Variants in SORBS2 observed in about 807,000 individuals in gnomAD.
SORBS2 encodes the protein sorbin and SH3 domain containing 2, also known as sorbin and SH3 domain-containing protein 2.
In SORBS2, 46 loss-of-function variants were observed where a neutral mutation model predicts 97.7. The observed-to-expected ratio is 0.47, with a 90% confidence interval of 0.37 to 0.60. SORBS2 has a LOEUF of 0.60. Ranked by LOEUF, SORBS2 falls within the 20% of genes least tolerant of loss-of-function variation. The pLI, the probability that SORBS2 is intolerant of heterozygous loss-of-function variation, is 0.00. For missense variants in SORBS2, 1,316 were observed against 1,282.3 expected, an observed-to-expected ratio of 1.03 and a Z score of -0.40; for synonymous variants, 476 against 473.4, an observed-to-expected ratio of 1.01 and a Z score of -0.07.
At chr4:185,651,804 G>T in intron 2 of SORBS2, 1 of 1,503,114 alleles carries the variant, frequency 6.7e-7, no homozygotes, top group Non-Finnish European at 9.2e-7. Flanking sequence ...TGTATAAGGA[G>T]TATTATACAT....
At chr4:185,788,589 C>A (rs77403198) in intron 1 of SORBS2, among the ~76,000 whole-genome samples, 138 of 152,286 alleles carry the variant, frequency 9.1e-4, no homozygotes, top group Middle Eastern at 3.4e-3. Flanking sequence ...AAAAAGAGAA[C>A]CTTGCAGCTG....
chr4:185,618,599 C>A, exon 9 of SORBS2: 1 of 1,535,790 alleles, frequency 6.5e-7, no homozygotes, highest in Non-Finnish European at 8.9e-7. Flanking sequence ...ATGTCTGAGC[C>A]TTAAAATCAT....
intron 1 of SORBS2, among the ~76,000 whole-genome samples, chr4:185,893,097 G>A (rs1462929380): frequency 6.6e-6 from 1 of 152,212 alleles, no homozygotes; most frequent in Non-Finnish European, 1.5e-5. Flanking sequence ...AAGGATGCTA[G>A]CTGTGGAGGA....
intron 1 of SORBS2, among the ~76,000 whole-genome samples, chr4:185,943,997 AGGTAAAAATGT>A (rs2099273358): frequency 6.6e-6 from 1 of 152,236 alleles, no homozygotes; most frequent in African/African-American, 2.4e-5. Flanking sequence ...TAAATGTTGA[AGGTAAAAATGT>A]TGAAACGAAG....
chr4:185,837,693 G>A (rs1229767050), intron 1 of SORBS2, among the ~76,000 whole-genome samples: 1 of 152,138 alleles, frequency 6.6e-6, no homozygotes, highest in Admixed American at 6.5e-5. Flanking sequence ...GTGACAGGCT[G>A]AGATATTCCT....
intron 12 of SORBS2, among the ~76,000 whole-genome samples, chr4:185,595,001 G>C (rs2096052360): frequency 6.6e-6 from 1 of 152,092 alleles, no homozygotes; most frequent in Admixed American, 6.6e-5. Context: ...TTACTGATAG[G>C]CTGAAATCTC....
chr4:185,718,928 C>A (rs2098487910), intron 2 of SORBS2, among the ~76,000 whole-genome samples: 1 of 152,176 alleles, frequency 6.6e-6, no homozygotes, highest in African/African-American at 2.4e-5. Flanking sequence ...TCTATGCAGA[C>A]CTGTCATGTG....
rs937180555 is a variant in SORBS2 at position 185,607,725 on chromosome 4, C to T, written c.2796+4055G>A. Reference sequence around the variant, plus strand: ...AAAAAATTTTTTAGAGATGGAGTCTCGCTGTGGCACCCAGGCTGGAGTGCA... The same window carrying T: ...AAAAAATTTTTTAGAGATGGAGTCTTGCTGTGGCACCCAGGCTGGAGTGCA... On this transcript the variant is annotated intron_variant, in intron 12 of 14. Coordinates refer to ENST00000418609, the Ensembl canonical transcript of SORBS2. The surrounding 1 kb of genome is among the most constrained non-coding windows in gnomAD (Gnocchi z 5.2). Among the ~76,000 whole-genome samples, 4 of 151,990 alleles carry T rather than the reference C, an allele frequency of 2.6e-5. No homozygotes were observed. Among genetic ancestry groups the T allele is most frequent in the African/African-American group, 7.3e-5 (3 of 41,356 alleles).
intron 1 of SORBS2, among the ~76,000 whole-genome samples, chr4:185,842,047 C>T (rs1375323045): frequency 6.6e-6 from 1 of 152,194 alleles, no homozygotes; most frequent in Admixed American, 6.5e-5. Context: ...GACCAATGCT[C>T]CTGCCCTCAA....
rs2153501085 is a variant in SORBS2, at chr4:185,678,783, A to G, written c.-171+13T>C. ...AAATAATATAATAATTATTCAGAAT[A>G]TTTTTTCTGTACCTGAGTCTGGTGA... On this transcript the variant is annotated intron_variant, in intron 3 of 20. Coordinates refer to the SORBS2 transcript ENST00000284776. 1 of 1,451,512 alleles carries G rather than the reference A, an allele frequency of 6.9e-7. No individual in the cohort carries two copies. The highest frequency in any genetic ancestry group is 9.2e-7 in the Non-Finnish European group (1 of 1,091,238). 89.9% of individuals were successfully genotyped at this position (1,451,512 alleles called of 1,614,324 possible). A position where few individuals can be genotyped will look rare whatever the true frequency, so the allele number is the denominator to read the frequency against.
At chr4:185,594,073 T>C (rs964187006) in intron 12 of SORBS2, 138 bp from the exon 25 acceptor site, 2 of 631,726 alleles carry the variant, frequency 3.2e-6, no homozygotes, top group African/African-American at 1.9e-5. Context: ...AAAAACCAAA[T>C]AAAAGCTTTC....
At chr4:185,765,869 T>C (rs1359014922) in intron 2 of SORBS2, among the ~76,000 whole-genome samples, 2 of 152,248 alleles carry the variant, frequency 1.3e-5, no homozygotes, top group African/African-American at 4.8e-5. Flanking sequence ...TTTTCCATCA[T>C]AAGCCAGTCT....
intron 1 of SORBS2, among the ~76,000 whole-genome samples, chr4:185,954,468 T>A (rs2099278668): frequency 6.6e-6 from 1 of 152,220 alleles, no homozygotes; most frequent in Non-Finnish European, 1.5e-5. Flanking sequence ...ATTTTATAAA[T>A]AAAATTATGT....
intron 2 of SORBS2, among the ~76,000 whole-genome samples, chr4:185,749,534 T>C (rs1429536242): frequency 2.6e-5 from 4 of 152,224 alleles, no homozygotes; most frequent in Non-Finnish European, 5.9e-5. Flanking sequence ...CTCTGATTCC[T>C]GGTCATTCTG....
At chr4:185,670,745 G>A (rs2097700678) in intron 4 of SORBS2, among the ~76,000 whole-genome samples, 1 of 151,952 alleles carries the variant, frequency 6.6e-6, no homozygotes, top group African/African-American at 2.4e-5. Context: ...GGGAAAATGT[G>A]CCCCCTCTTT....
At chr4:185,826,360 C>A (rs2099199775) in intron 1 of SORBS2, among the ~76,000 whole-genome samples, 1 of 152,180 alleles carries the variant, frequency 6.6e-6, no homozygotes, top group South Asian at 2.1e-4. Context: ...TTCAAGCTAC[C>A]CTGGTCTACG....
At chr4:185,635,270 G>C (rs1286147820) in intron 4 of SORBS2, 85 bp downstream of exon 16, 4 of 987,352 alleles carry the variant, frequency 4.1e-6, no homozygotes, top group Non-Finnish European at 6.3e-6. Flanking sequence ...AGACATTACA[G>C]AGAATTGTAA....
intron 1 of SORBS2, among the ~76,000 whole-genome samples, chr4:185,884,778 C>T (rs1202950006): frequency 2.0e-5 from 3 of 152,120 alleles, no homozygotes; most frequent in Non-Finnish European, 4.4e-5. Flanking sequence ...TCGGTGTATT[C>T]CCGGAATGCT....
chr4:185,883,760 G>A (rs1337821321), intron 1 of SORBS2, among the ~76,000 whole-genome samples: 2 of 152,178 alleles, frequency 1.3e-5, no homozygotes, highest in East Asian at 3.8e-4. Context: ...GAAGTGGGAG[G>A]TCACTTGAGC....
Sources: allele counts gnomAD v4.1 joint callset (sites outside exome capture counted in the v4.1 genomes callset), GRCh38; gene constraint gnomAD v4.1.1; non-coding constraint Gnocchi (gnomAD v3.1); transcripts MANE v1.5; gene names NCBI Gene and HGNC (gene_info 2026-07-23, HGNC 2026-07-21).